The following CELF4 variants were observed in gnomAD, a reference collection of about 807,000 sequenced individuals.
The protein encoded by CELF4 is CUGBP Elav-like family member 4, also known as CUG-BP- and ETR-3-like factor 4.
Under a neutral mutation model 59.9 loss-of-function variants are expected in CELF4, and 18 were observed. That is an observed-to-expected ratio of 0.30 (90% confidence interval 0.21 to 0.45). The LOEUF (loss-of-function observed/expected upper bound fraction) is 0.45. Ranked by LOEUF, CELF4 falls within the 20% of genes least tolerant of loss-of-function variation. The pLI is 1.00. For missense variants in CELF4, 456 were observed against 689.0 expected (o/e 0.66, Z 3.79); for synonymous variants, 261 against 267.1 (o/e 0.98, Z 0.22).
At chr18:37,460,975 AAGGAAT>A (rs2099791785) in intron 2 of CELF4, among the ~76,000 whole-genome samples, 1 of 152,368 alleles carries the variant, frequency 6.6e-6, no homozygotes, top group East Asian at 1.9e-4. Context: ...CATCAAAGAC[AAGGAAT>A]GCCATACAAT....
At chr18:37,378,025 T>G (rs1031153096) in intron 2 of CELF4, among the ~76,000 whole-genome samples, 3 of 152,190 alleles carry the variant, frequency 2.0e-5, no homozygotes, top group African/African-American at 7.2e-5. Flanking sequence ...ACGTCAGAGC[T>G]GGCTGGGCTT....
intron 1 of CELF4, among the ~76,000 whole-genome samples, chr18:37,545,257 C>T (rs908761774): frequency 1.3e-5 from 2 of 152,164 alleles, no homozygotes; most frequent in African/African-American, 2.4e-5. Flanking sequence ...TCCAGATGAG[C>T]GAATGGGTAA....
intron 2 of CELF4, among the ~76,000 whole-genome samples, chr18:37,466,046 C>T (rs921976234): frequency 1.1e-4 from 17 of 152,216 alleles, no homozygotes; most frequent in African/African-American, 4.1e-4. Context: ...CCTTCTTCAG[C>T]TCGCCTCTGC....
intron 3 of CELF4, among the ~76,000 whole-genome samples, chr18:37,295,631 G>A (rs866541221): frequency 6.6e-6 from 1 of 152,214 alleles, no homozygotes; most frequent in African/African-American, 2.4e-5. Flanking sequence ...CTACTTTACA[G>A]AGGAGGAAAT....
At chr18:37,445,031 G>A (rs575021496) in intron 2 of CELF4, among the ~76,000 whole-genome samples, 1 of 152,316 alleles carries the variant, frequency 6.6e-6, no homozygotes, top group East Asian at 1.9e-4. Context: ...CGGAAAGGAG[G>A]AGGGGGCATG....
At chr18:37,502,151 T>A (rs1019870125) in intron 1 of CELF4, among the ~76,000 whole-genome samples, 1 of 152,012 alleles carries the variant, frequency 6.6e-6, no homozygotes, top group Admixed American at 6.6e-5. Flanking sequence ...GGAATTGGAT[T>A]TGATGTAGCC....
At chr18:37,510,854 C>T (rs779399629) in intron 1 of CELF4, among the ~76,000 whole-genome samples, 30 of 152,236 alleles carry the variant, frequency 2.0e-4, no homozygotes, top group Admixed American at 6.5e-4. Context: ...ACAGTCAGTG[C>T]TGACCCAGGG....
intron 2 of CELF4, among the ~76,000 whole-genome samples, chr18:37,346,776 A>G (rs944458218): frequency 1.1e-4 from 16 of 152,024 alleles, no homozygotes; most frequent in Admixed American, 9.8e-4. Context: ...GGATTGGCAG[A>G]GCCTGGCAGG....
intron 1 of CELF4, among the ~76,000 whole-genome samples, chr18:37,525,068 C>T (rs1384769701): frequency 6.6e-6 from 1 of 152,158 alleles, no homozygotes; most frequent in African/African-American, 2.4e-5. Context: ...CTTGGCCAGC[C>T]GACCACCCTT....
At position 37,429,432 on chromosome 18, in the gene CELF4, A is replaced by G. The variant is rs552585999; in HGVS notation, c.369+56093T>C. ...TGTGTCTGTGTGTGTCTATAGTCTCATTGTGTGTGCATGTCTGTGAGTGTG... is the reference window on the plus strand; with the variant it reads ...TGTGTCTGTGTGTGTCTATAGTCTCGTTGTGTGTGCATGTCTGTGAGTGTG... On this transcript the variant is annotated intron_variant, in intron 2 of 12. Transcript: ENST00000420428. Among the ~76,000 whole-genome samples the G allele has an allele frequency of 2.2e-4, 34 of 151,868 alleles. No homozygotes were observed. The East Asian group carries it at 6.2e-3, about 28-fold the overall frequency.
intron 1 of CELF4, among the ~76,000 whole-genome samples, chr18:37,509,872 C>G (rs1158835215): frequency 6.6e-6 from 1 of 152,142 alleles, no homozygotes; most frequent in Admixed American, 6.5e-5. Flanking sequence ...TGTGGATGAA[C>G]CTTGAAAATA....
At chr18:37,313,990 G>A (rs1167898673) in intron 3 of CELF4, among the ~76,000 whole-genome samples, 1 of 152,208 alleles carries the variant, frequency 6.6e-6, no homozygotes, top group African/African-American at 2.4e-5. Context: ...AAGGCTGCAG[G>A]AACGCTGGAC....
chr18:37,300,452 T>C (rs887922730), intron 3 of CELF4, among the ~76,000 whole-genome samples: 2 of 152,206 alleles, frequency 1.3e-5, no homozygotes, highest in African/African-American at 4.8e-5. Context: ...CTCGAACTTC[T>C]GACCTCAGGT....
intron 3 of CELF4, among the ~76,000 whole-genome samples, chr18:37,281,022 A>G (rs2094072537): frequency 6.6e-6 from 1 of 152,262 alleles, no homozygotes; most frequent in African/African-American, 2.4e-5. Context: ...GAGGGAGACA[A>G]AAACTCCTGA....
intron 2 of CELF4, among the ~76,000 whole-genome samples, chr18:37,345,766 C>T (rs2098232618): frequency 6.6e-6 from 1 of 152,058 alleles, no homozygotes; most frequent in Admixed American, 6.6e-5. Flanking sequence ...CCCAGGGAGG[C>T]TGGGGACCCC....
intron 3 of CELF4, among the ~76,000 whole-genome samples, chr18:37,277,967 G>A (rs552883834): frequency 1.1e-4 from 17 of 152,176 alleles, no homozygotes; most frequent in Admixed American, 7.2e-4. Flanking sequence ...GCAGCTCCTC[G>A]CCTTCGCCTC....
intron 3 of CELF4, among the ~76,000 whole-genome samples, chr18:37,282,660 C>CT (rs1481942245): frequency 6.6e-6 from 1 of 152,220 alleles, no homozygotes; most frequent in Non-Finnish European, 1.5e-5. Context: ...CACTCCCATC[C>CT]TTGGAGGCTG....
chr18:37,284,471 G>C (rs1414476114), intron 3 of CELF4, among the ~76,000 whole-genome samples: 1 of 152,146 alleles, frequency 6.6e-6, no homozygotes, highest in African/African-American at 2.4e-5. Context: ...AGTGCACCAT[G>C]CCCTCCCTTG....
At chr18:37,431,251 T>C (rs925430399) in intron 2 of CELF4, among the ~76,000 whole-genome samples, 2 of 152,144 alleles carry the variant, frequency 1.3e-5, no homozygotes, top group African/African-American at 4.8e-5. Flanking sequence ...CCGAAAACAA[T>C]TGCTTCTTTT....
Sources: gnomAD v4.1 joint callset for allele counts (sites outside exome capture counted in the v4.1 genomes callset) on GRCh38, gnomAD v4.1.1 for gene constraint, MANE v1.5 for transcripts, NCBI Gene and HGNC (gene_info 2026-07-23, HGNC 2026-07-21) for gene names.